ESR1: variants seen among roughly 807,000 people sequenced by gnomAD.
ESR1 encodes the protein estrogen receptor.
A neutral mutation model predicts 52.7 loss-of-function variants in ESR1; 12 were observed. The observed-to-expected ratio is 0.23, with a 90% CI of 0.15 to 0.37. ESR1 has a LOEUF of 0.37. ESR1 is among the 10% of genes least tolerant of loss of function. ESR1 has a pLI of 1.00. For synonymous variants in ESR1, 305 were observed against 316.8 expected (o/e 0.96, Z 0.39); for missense variants, 584 against 779.7 (o/e 0.75, Z 2.99).
intron 2 of ESR1, among the ~76,000 whole-genome samples, chr6:151,774,811 C>A (rs1036088261): frequency 1.3e-5 from 2 of 152,222 alleles, no homozygotes; most frequent in African/African-American, 4.8e-5. Context: ...TTGAAGACAC[C>A]ATTAAATAAA....
At position 151,670,602 on chromosome 6, in the gene ESR1, T is replaced by C. The variant is rs139989872; in HGVS notation, n.73+13839T>C. ...AAGGCACTTAAAAAAAAATTTTTTTTTGAGACAGTCTTGCTCTGTCACCCA... is the reference window on the plus strand; with the variant it reads ...AAGGCACTTAAAAAAAAATTTTTTTCTGAGACAGTCTTGCTCTGTCACCCA... On this transcript the variant is annotated intron_variant and non_coding_transcript_variant, in intron 1 of 2. Transcript: ENST00000473497. Among the ~76,000 whole-genome samples the C allele has an allele frequency of 6.6e-3, 1,002 of 152,236 alleles. 15 individuals are homozygous for C. Among genetic ancestry groups the C allele is most frequent in the African/African-American group, 0.023 (971 of 41,546 alleles).
At chr6:151,908,323 G>T (rs1371522580) in intron 3 of ESR1, among the ~76,000 whole-genome samples, 3 of 151,846 alleles carry the variant, frequency 2.0e-5, no homozygotes, top group African/African-American at 4.8e-5. Context: ...TATCATTATT[G>T]TATCTTGCTG....
At chr6:152,078,042 C>G (rs975141661) in intron 6 of ESR1, among the ~76,000 whole-genome samples, 5 of 152,120 alleles carry the variant, frequency 3.3e-5, no homozygotes, top group Middle Eastern at 3.2e-3. Flanking sequence ...TATGGTTTGG[C>G]TCTGTGTCCC....
At chr6:152,089,543 C>A (rs1562774785) in intron 6 of ESR1, among the ~76,000 whole-genome samples, 1 of 152,190 alleles carries the variant, frequency 6.6e-6, no homozygotes, top group East Asian at 1.9e-4. Context: ...ATACACTGGA[C>A]CTTTTGGGCA....
chr6:151,896,160 C>A (rs1283998128), intron 3 of ESR1, among the ~76,000 whole-genome samples: 1 of 152,036 alleles, frequency 6.6e-6, no homozygotes, highest in African/African-American at 2.4e-5. Flanking sequence ...TTGTTTTGTT[C>A]TTTCTTGGTT....
intron 5 of ESR1, among the ~76,000 whole-genome samples, chr6:152,015,280 A>G (rs917240222): frequency 2.0e-5 from 3 of 152,254 alleles, no homozygotes; most frequent in Admixed American, 6.5e-5. Flanking sequence ...TATCAGAGTC[A>G]TATCTACCTA....
chr6:151,763,502 T>C (rs1050835103), intron 2 of ESR1, among the ~76,000 whole-genome samples: 1 of 152,196 alleles, frequency 6.6e-6, no homozygotes, highest in Admixed American at 6.5e-5. Context: ...CGTACATATG[T>C]GCGTCTTTTT....
chr6:151,947,907 A>G (rs1335011040), intron 4 of ESR1, among the ~76,000 whole-genome samples: 1 of 152,194 alleles, frequency 6.6e-6, no homozygotes, highest in Admixed American at 6.5e-5. Context: ...ACTTTTTGAT[A>G]TTTATCTATC....
intron 5 of ESR1, among the ~76,000 whole-genome samples, chr6:152,028,853 G>T (rs1240996843): frequency 6.6e-6 from 1 of 152,214 alleles, no homozygotes; most frequent in Non-Finnish European, 1.5e-5. Context: ...CTCCTCAAGT[G>T]GGTCCCTGAC....
chr6:151,962,323 A>C (rs985191), intron 4 of ESR1, among the ~76,000 whole-genome samples: 24,701 of 152,024 alleles, frequency 0.16, 2,301 homozygotes, highest in African/African-American at 0.23. Context: ...TTAAAACCCA[A>C]GTGGGTTACC....
chr6:152,088,366 G>T (rs577797409), intron 6 of ESR1, among the ~76,000 whole-genome samples: 28 of 152,246 alleles, frequency 1.8e-4, no homozygotes, highest in South Asian at 8.3e-4. Flanking sequence ...CAACCTATTT[G>T]TGTATGATAA....
chr6:151,675,334 T>C (rs78802556), intron 1 of ESR1, among the ~76,000 whole-genome samples: 3,954 of 152,288 alleles, frequency 0.026, 70 homozygotes, highest in African/African-American at 0.043. Flanking sequence ...TCCAAACTTA[T>C]GTTCTTGCTA....
At chr6:151,687,257 T>C (rs191465056), upstream of ESR1, among the ~76,000 whole-genome samples, 1 of 152,258 alleles carries the variant, frequency 6.6e-6, no homozygotes. Context: ...TGAACTTGAG[T>C]TGGTTGTTCA....
chr6:151,922,867 A>G (rs1158211250), intron 3 of ESR1, among the ~76,000 whole-genome samples: 4 of 152,174 alleles, frequency 2.6e-5, no homozygotes, highest in African/African-American at 9.6e-5. Flanking sequence ...ATTTGTAACC[A>G]TCTGTATCTA....
At chr6:151,799,614 T>G (rs1006555441), upstream of ESR1, among the ~76,000 whole-genome samples, 3 of 152,214 alleles carry the variant, frequency 2.0e-5, no homozygotes, top group Admixed American at 2.0e-4. Flanking sequence ...TTGTGTGCCC[T>G]TTTTGAATTT....
At chr6:151,842,471 A>G in intron 1 of ESR1, 126 bp from the exon 2 acceptor site, 1 of 900,056 alleles carries the variant, frequency 1.1e-6, no homozygotes, top group Non-Finnish European at 1.8e-6. Flanking sequence ...AGAGGTAATG[A>G]AAGATTAGCT....
chr6:151,682,650 C>A (rs74502144), intron 1 of ESR1, among the ~76,000 whole-genome samples: 1 of 152,182 alleles, frequency 6.6e-6, no homozygotes, highest in Non-Finnish European at 1.5e-5. Context: ...GAATAGTATA[C>A]GTGGAAGAGT....
intron 3 of ESR1, among the ~76,000 whole-genome samples, chr6:151,937,188 A>G (rs1000032314): frequency 5.3e-5 from 8 of 152,212 alleles, no homozygotes; most frequent in African/African-American, 1.9e-4. Context: ...AAAATGTAAA[A>G]TAAAACCAGT....
chr6:151,721,933 T>G (rs1195630254), intron 2 of ESR1, among the ~76,000 whole-genome samples: 2 of 152,222 alleles, frequency 1.3e-5, no homozygotes, highest in Non-Finnish European at 2.9e-5. Flanking sequence ...TTCATTTTAT[T>G]TGAAGCAAGT....
Sources: allele counts gnomAD v4.1 joint callset (sites outside exome capture counted in the v4.1 genomes callset), GRCh38; gene constraint gnomAD v4.1.1; transcripts MANE v1.5; gene names NCBI Gene and HGNC (gene_info 2026-07-23, HGNC 2026-07-21).